Variants in SAXO5 observed in about 807,000 individuals in gnomAD.
The protein encoded by SAXO5 is stabilizer of axonemal microtubules 5.
chr19:7,501,777 T>C, the SAXO5 span, among the ~76,000 whole-genome samples: 4 of 151,650 alleles, frequency 2.6e-5, no homozygotes, highest in Admixed American at 6.6e-5. Context: ...GCTGAGATTG[T>C]GCCACCGCAT....
the SAXO5 span, chr19:7,506,429 C>A: frequency 0.063 from 33,427 of 526,928 alleles, 2,056 homozygotes; most frequent in Admixed American, 0.21. Flanking sequence ...TGGATAATCC[C>A]GCCCCTTCAT....
the SAXO5 span, chr19:7,507,151 G>T: frequency 2.5e-6 from 4 of 1,611,344 alleles, no homozygotes; most frequent in Non-Finnish European, 3.4e-6. Context: ...GGTAAGGGAG[G>T]CGGAGGGGAG....
the SAXO5 span, chr19:7,506,713 G>T: frequency 2.8e-6 from 1 of 363,200 alleles, no homozygotes; most frequent in Non-Finnish European, 5.2e-6. Context: ...CCCTTTCTCT[G>T]GCTCCTTCCT....
At chr19:7,498,550 C>A in the SAXO5 span, among the ~76,000 whole-genome samples, 5 of 152,052 alleles carry the variant, frequency 3.3e-5, no homozygotes, top group African/African-American at 1.2e-4. Flanking sequence ...GCATGCGCCA[C>A]CACGCCTGAC....
At chr19:7,502,028 C>T in the SAXO5 span, among the ~76,000 whole-genome samples, 1 of 151,874 alleles carries the variant, frequency 6.6e-6, no homozygotes, top group African/African-American at 2.4e-5. Flanking sequence ...TGTCTTGAGG[C>T]CAGAATTGGA....
chr19:7,506,655 C>T, the SAXO5 span: 4 of 350,960 alleles, frequency 1.1e-5, no homozygotes, highest in Non-Finnish European at 2.2e-5. Context: ...GGTTCCTCCC[C>T]TAGCTCCTCC....
chr19:7,498,633 G>T, the SAXO5 span, among the ~76,000 whole-genome samples: 1 of 152,092 alleles, frequency 6.6e-6, no homozygotes, highest in African/African-American at 2.4e-5. Flanking sequence ...GACCTCAGGA[G>T]ATCTGCCCAC....
At chr19:7,501,548 G>A in the SAXO5 span, 1 of 955,678 alleles carries the variant, frequency 1.0e-6, no homozygotes, top group Non-Finnish European at 1.4e-6. Context: ...GTGGCCGGGC[G>A]CGGTGGCTCA....
the SAXO5 span, chr19:7,505,639 A>G: frequency 4.3e-6 from 7 of 1,612,662 alleles, no homozygotes; most frequent in Non-Finnish European, 5.9e-6. Flanking sequence ...GAGCAGGAAG[A>G]GCGAAAAGGC....
At chr19:7,500,849 C>T in the SAXO5 span, 2 of 1,532,736 alleles carry the variant, frequency 1.3e-6, no homozygotes, top group Admixed American at 1.9e-5. Flanking sequence ...TCCTGCCGTG[C>T]TCGCGCCCGT....
the SAXO5 span, among the ~76,000 whole-genome samples, chr19:7,507,643 A>G: frequency 2.0e-5 from 3 of 151,768 alleles, no homozygotes; most frequent in African/African-American, 7.3e-5. Flanking sequence ...TGTCAAGGTC[A>G]GCTCAGGGGC....
chr19:7,506,461 A>C, the SAXO5 span: 2 of 443,188 alleles, frequency 4.5e-6, no homozygotes, highest in Admixed American at 3.4e-5. Context: ...TCCCCTTCAT[A>C]ACTCCATCCT....
the SAXO5 span, chr19:7,498,958 G>A: frequency 6.6e-6 from 1 of 152,500 alleles, no homozygotes; most frequent in Non-Finnish European, 1.5e-5. Context: ...GTGAAGACAG[G>A]AAGAGATTGA....
At chr19:7,506,764 C>T in the SAXO5 span, 2 of 437,950 alleles carry the variant, frequency 4.6e-6, no homozygotes, top group Admixed American at 7.7e-5. Context: ...CTCCCTCTTC[C>T]CCAGCTCCTC....
the SAXO5 span, among the ~76,000 whole-genome samples, chr19:7,501,746 A>T: frequency 6.6e-6 from 1 of 151,914 alleles, no homozygotes; most frequent in African/African-American, 2.4e-5. Context: ...GCTTGAACCC[A>T]GGGGGCAGAG....
At chr19:7,500,982 CG>C in the SAXO5 span, 1 of 1,537,342 alleles carries the variant, frequency 6.5e-7, no homozygotes, top group South Asian at 1.2e-5. Context: ...GGCTGCCACC[CG>C]GGAGCCGCCG....
chr19:7,501,197 C>G, the SAXO5 span: 1 of 1,536,692 alleles, frequency 6.5e-7, no homozygotes. Flanking sequence ...GGATCGGCCT[C>G]TCCAACGCGC....
the SAXO5 span, among the ~76,000 whole-genome samples, chr19:7,502,422 A>C: frequency 6.6e-6 from 1 of 152,148 alleles, no homozygotes; most frequent in Non-Finnish European, 1.5e-5. Context: ...TACAAAATAA[A>C]AATTTAAAAA....
chr19:7,507,004 G>T, the SAXO5 span: 1 of 1,477,900 alleles, frequency 6.8e-7, no homozygotes, highest in Non-Finnish European at 9.4e-7. Flanking sequence ...CACACCCTCA[G>T]CCCCGCCTCG....
Sources: gnomAD v4.1 joint callset for allele counts (sites outside exome capture counted in the v4.1 genomes callset) on GRCh38, gnomAD v4.1.1 for gene constraint, MANE v1.5 for transcripts, NCBI Gene and HGNC (gene_info 2026-07-23, HGNC 2026-07-21) for gene names.